KIF6: variants seen among roughly 807,000 people sequenced by gnomAD.
KIF6 encodes the protein kinesin-like protein KIF6.
A neutral mutation model predicts 112.7 loss-of-function variants in KIF6; 106 were observed. The observed-to-expected ratio is 0.94, with a 90% confidence interval of 0.80 to 1.11. The LOEUF (loss-of-function observed/expected upper bound fraction) is 1.11, where lower values mean the gene tolerates loss of function less well. Ranked by LOEUF, KIF6 falls within the 50% of genes least tolerant of loss-of-function variation. KIF6 has a pLI of 0.00. For synonymous variants in KIF6, 339 were observed against 339.9 expected, an observed-to-expected ratio of 1.00 and a Z score of 0.03; for missense variants, 929 against 964.0, an observed-to-expected ratio of 0.96 and a Z score of 0.48.
chr6:39,586,478 T>C (rs1355112199), intron 7 of KIF6, 74 bp from the exon 8 acceptor site: 9 of 1,241,454 alleles, frequency 7.2e-6, no homozygotes, highest in East Asian at 4.7e-5. Context: ...AGAGCTTCAA[T>C]AGCAATAAAA....
At chr6:39,418,679 GAC>G (rs1027726402) in intron 15 of KIF6, among the ~76,000 whole-genome samples, 2 of 152,194 alleles carry the variant, frequency 1.3e-5, no homozygotes, top group Non-Finnish European at 2.9e-5. Context: ...GAACTCCTGA[GAC>G]ACAAGGATTC....
intron 1 of KIF6, 76 bp from the exon 2 acceptor site, chr6:39,720,887 T>C: frequency 2.9e-6 from 2 of 691,810 alleles, no homozygotes; most frequent in Non-Finnish European, 5.3e-6. Context: ...TATTATGACT[T>C]GTAATGATAT....
chr6:39,401,417 A>G (rs975917122), intron 15 of KIF6, among the ~76,000 whole-genome samples: 12 of 152,314 alleles, frequency 7.9e-5, no homozygotes, highest in African/African-American at 2.2e-4. Context: ...GGTAACAGAC[A>G]AGGGAAGTGA....
At chr6:39,421,664 A>C (rs1420396178) in intron 14 of KIF6, among the ~76,000 whole-genome samples, 2 of 152,198 alleles carry the variant, frequency 1.3e-5, no homozygotes, top group Admixed American at 6.5e-5. Flanking sequence ...TTTCCAGGGA[A>C]GGGGACTAAA....
intron 3 of KIF6, among the ~76,000 whole-genome samples, chr6:39,676,218 G>A (rs1218948013): frequency 1.3e-5 from 2 of 151,960 alleles, no homozygotes; most frequent in Non-Finnish European, 2.9e-5. Flanking sequence ...CCTGCACAAA[G>A]TAAAACTCTT....
chr6:39,561,710 C>T (rs1021108203), intron 10 of KIF6, among the ~76,000 whole-genome samples: 1 of 152,110 alleles, frequency 6.6e-6, no homozygotes, highest in African/African-American at 2.4e-5. Flanking sequence ...CCTAACTCAG[C>T]AAGGAAACAT....
intron 10 of KIF6, among the ~76,000 whole-genome samples, chr6:39,566,306 A>G (rs1032278395): frequency 6.6e-6 from 1 of 152,244 alleles, no homozygotes; most frequent in Admixed American, 6.5e-5. Context: ...TTTTAAAAAA[A>G]TCATCACTTT....
intron 13 of KIF6, 136 bp from the exon 14 acceptor site, chr6:39,431,297 G>A (rs1771141172): frequency 3.3e-6 from 2 of 599,710 alleles, no homozygotes. Flanking sequence ...CAGACAGGTG[G>A]CCCCAGGCTC....
At chr6:39,433,971 C>T (rs1465108832) in intron 13 of KIF6, among the ~76,000 whole-genome samples, 1 of 152,150 alleles carries the variant, frequency 6.6e-6, no homozygotes, top group African/African-American at 2.4e-5. Context: ...TAATGAACGG[C>T]TTTTATTTAC....
At chr6:39,590,614 A>G (rs1781898623) in intron 7 of KIF6, among the ~76,000 whole-genome samples, 1 of 151,606 alleles carries the variant, frequency 6.6e-6, no homozygotes, top group Admixed American at 6.6e-5. Flanking sequence ...ACCATGCCCA[A>G]CTAATTTTGT....
chr6:39,380,175 C>T (rs1009539353), intron 16 of KIF6, among the ~76,000 whole-genome samples: 1 of 152,208 alleles, frequency 6.6e-6, no homozygotes, highest in Non-Finnish European at 1.5e-5. Flanking sequence ...AGTATCATTT[C>T]CAACTGACGC....
chr6:39,578,566 C>T (rs138730480), intron 9 of KIF6, among the ~76,000 whole-genome samples: 1 of 152,150 alleles, frequency 6.6e-6, no homozygotes, highest in Admixed American at 6.5e-5. Flanking sequence ...CTCCTGACCT[C>T]GTGATCCACC....
At chr6:39,682,298 C>T (rs1295181641) in intron 3 of KIF6, among the ~76,000 whole-genome samples, 2 of 152,204 alleles carry the variant, frequency 1.3e-5, no homozygotes, top group Non-Finnish European at 2.9e-5. Context: ...TAGCCTACGA[C>T]ACACCCAGGC....
intron 3 of KIF6, among the ~76,000 whole-genome samples, chr6:39,645,959 G>A (rs1209563757): frequency 1.3e-5 from 2 of 151,710 alleles, no homozygotes; most frequent in Non-Finnish European, 2.9e-5. Context: ...ATCACACACC[G>A]GGGCCTGTTG....
intron 13 of KIF6, among the ~76,000 whole-genome samples, chr6:39,447,104 A>G (rs1193130283): frequency 6.6e-6 from 1 of 152,204 alleles, no homozygotes; most frequent in East Asian, 1.9e-4. Flanking sequence ...CGGGTTAGCA[A>G]TGTAGGGAGA....
Position 39,337,091 on chromosome 6 carries a change from CCTTT to C in KIF6, c.2429-547_2429-544del, listed in dbSNP as rs1038948072. Among the ~76,000 whole-genome samples the C allele has an allele frequency of 3.2e-4, 39 of 120,216 alleles. 2 individuals carry two copies. Among genetic ancestry groups the C allele is most frequent in the Middle Eastern group, 5.3e-3 (1 of 190 alleles). 78.9% of individuals were successfully genotyped at this position (120,216 alleles called of 152,430 possible). The stretch of plus-strand genomic sequence containing the variant: ...TTCTCTTTCCTTTCTTTCCTTCTTT[CCTTT>C]CTTTCTTCTTTCTTCTCTTTCTTTC... On this transcript the variant is annotated intron_variant, in intron 22 of 22. Coordinates refer to ENST00000287152, the MANE Select transcript of KIF6 (RefSeq NM_145027.6).
chr6:39,352,185 C>T (rs11754376), intron 19 of KIF6, among the ~76,000 whole-genome samples: 6,003 of 152,258 alleles, frequency 0.039, 181 homozygotes, highest in Non-Finnish European at 0.055. Context: ...CCCTTATACT[C>T]CTCTTCCCCA....
At chr6:39,427,213 G>T (rs1454149495) in intron 14 of KIF6, among the ~76,000 whole-genome samples, 1 of 152,072 alleles carries the variant, frequency 6.6e-6, no homozygotes, top group African/African-American at 2.4e-5. Flanking sequence ...TCCCACAGTT[G>T]GGCCACATGA....
intron 6 of KIF6, among the ~76,000 whole-genome samples, chr6:39,603,305 G>C (rs1782677031): frequency 6.6e-6 from 1 of 152,082 alleles, no homozygotes; most frequent in Non-Finnish European, 1.5e-5. Flanking sequence ...TGCTTTGTTA[G>C]GACACTTTAC....
Sources: gnomAD v4.1 joint callset for allele counts (sites outside exome capture counted in the v4.1 genomes callset) on GRCh38, gnomAD v4.1.1 for gene constraint, MANE v1.5 for transcripts, NCBI Gene and HGNC (gene_info 2026-07-23, HGNC 2026-07-21) for gene names.